The following LRRC4C variants were observed in gnomAD, a reference collection of about 807,000 sequenced individuals.
LRRC4C encodes the protein leucine rich repeat containing 4C, also known as leucine-rich repeat-containing protein 4C.
LRRC4C carries 5 observed loss-of-function variants against 33.6 expected under a neutral mutation model. The ratio of observed to expected loss-of-function variants is 0.15; its 90% CI spans 0.08 to 0.31. LRRC4C has a LOEUF of 0.31. LRRC4C is among the 10% of genes least tolerant of loss of function. The pLI, the probability that LRRC4C is intolerant of heterozygous loss-of-function variation, is 1.00. For synonymous variants in LRRC4C, 329 were observed against 302.0 expected (o/e 1.09, Z -0.93); for missense variants, 560 against 796.7 (o/e 0.70, Z 3.58).
At chr11:40,968,358 A>C (rs1851497478) in intron 1 of LRRC4C, among the ~76,000 whole-genome samples, 1 of 152,158 alleles carries the variant, frequency 6.6e-6, no homozygotes, top group South Asian at 2.1e-4. Flanking sequence ...ATGAAGCAGC[A>C]AGCGCTAATG....
chr11:41,101,083 C>A (rs1432505217), intron 1 of LRRC4C, among the ~76,000 whole-genome samples: 1 of 152,114 alleles, frequency 6.6e-6, no homozygotes, highest in Non-Finnish European at 1.5e-5. Context: ...TCATTCTAGA[C>A]AGAGGAACTG....
intron 1 of LRRC4C, among the ~76,000 whole-genome samples, chr11:41,097,049 A>ATTGCTTCT: frequency 6.6e-6 from 1 of 152,256 alleles, no homozygotes; most frequent in East Asian, 1.9e-4. Flanking sequence ...ACTGAAGCAT[A>ATTGCTTCT]TTGCTTCTTT....
At chr11:41,163,770 C>A (rs752204086) in intron 1 of LRRC4C, among the ~76,000 whole-genome samples, 91 of 152,014 alleles carry the variant, frequency 6.0e-4, no homozygotes, top group Non-Finnish European at 1.2e-3. Context: ...CACAAACACT[C>A]CAAGCAAATT....
At chr11:40,621,044 G>A (rs1334482242) in intron 3 of LRRC4C, among the ~76,000 whole-genome samples, 1 of 151,426 alleles carries the variant, frequency 6.6e-6, no homozygotes, top group Admixed American at 6.6e-5. Context: ...AGTAAACTGA[G>A]GTTATAATTC....
intron 1 of LRRC4C, among the ~76,000 whole-genome samples, chr11:41,175,676 T>C (rs1442515726): frequency 1.3e-5 from 2 of 152,178 alleles, no homozygotes; most frequent in Non-Finnish European, 2.9e-5. Flanking sequence ...AGCAGACTAT[T>C]TGTGAATGAC....
intron 3 of LRRC4C, among the ~76,000 whole-genome samples, chr11:40,642,826 T>C (rs1174736447): frequency 6.6e-6 from 1 of 152,234 alleles, no homozygotes; most frequent in Non-Finnish European, 1.5e-5. Context: ...TTTTTTCTTT[T>C]TGTAAATTCA....
chr11:41,326,915 A>C (rs1477946455), intron 1 of LRRC4C, among the ~76,000 whole-genome samples: 1 of 152,236 alleles, frequency 6.6e-6, no homozygotes, highest in East Asian at 1.9e-4. Flanking sequence ...AATCTCTTAT[A>C]TATCATGGCA....
At chr11:40,468,610 G>C (rs1288079379) in intron 3 of LRRC4C, among the ~76,000 whole-genome samples, 2 of 152,114 alleles carry the variant, frequency 1.3e-5, no homozygotes, top group African/African-American at 4.8e-5. Context: ...GTGTGAGTGT[G>C]TGAGTTTAAC....
intron 1 of LRRC4C, among the ~76,000 whole-genome samples, chr11:40,974,356 A>G (rs1471470435): frequency 3.3e-5 from 5 of 152,106 alleles, no homozygotes; most frequent in Non-Finnish European, 7.4e-5. Flanking sequence ...GGGTTATATT[A>G]TGTTTTACTG....
At chr11:40,230,532 T>C (rs1461522968) in intron 5 of LRRC4C, among the ~76,000 whole-genome samples, 1 of 152,192 alleles carries the variant, frequency 6.6e-6, no homozygotes, top group African/African-American at 2.4e-5. Flanking sequence ...TGGGGTGATT[T>C]TGTGGGTGAT....
chr11:40,182,162 T>C (rs1324392935), intron 5 of LRRC4C, among the ~76,000 whole-genome samples: 1 of 152,222 alleles, frequency 6.6e-6, no homozygotes, highest in African/African-American at 2.4e-5. Flanking sequence ...ACAATAATAA[T>C]TAAAGTTTAT....
At chr11:40,283,361 A>T (rs1213659456) in intron 4 of LRRC4C, among the ~76,000 whole-genome samples, 1 of 152,196 alleles carries the variant, frequency 6.6e-6, no homozygotes, top group Non-Finnish European at 1.5e-5. Context: ...TTTGATTTAA[A>T]TGTTCATCTA....
chr11:40,121,079 T>C lies in LRRC4C; in HGVS notation c.-42-4745A>G, dbSNP rs139423021. Among the ~76,000 whole-genome samples the C allele has an allele frequency of 6.5e-3, 991 of 152,308 alleles. 9 individuals carry two copies. Among genetic ancestry groups the C allele is most frequent in the Middle Eastern group, 0.024 (7 of 294 alleles). ...AGTGATGAGACACTCAGTTTCTTCC[T>C]ATTTTTTAAGACAGGAGCAGCAATA... On this transcript the variant is annotated intron_variant, in intron 6 of 6. Coordinates refer to ENST00000528697, the MANE Select transcript of LRRC4C (RefSeq NM_001258419.2).
intron 2 of LRRC4C, among the ~76,000 whole-genome samples, chr11:40,803,398 A>G (rs1040265925): frequency 2.0e-5 from 3 of 152,158 alleles, no homozygotes; most frequent in African/African-American, 7.2e-5. Flanking sequence ...ACAAAGAAAC[A>G]TGGCTTAGAT....
At chr11:40,272,431 T>G (rs1942775923) in intron 4 of LRRC4C, among the ~76,000 whole-genome samples, 1 of 152,046 alleles carries the variant, frequency 6.6e-6, no homozygotes. Flanking sequence ...CAGCTATGAG[T>G]TCTGGCATTG....
intron 2 of LRRC4C, among the ~76,000 whole-genome samples, chr11:40,702,301 A>T (rs1945900331): frequency 6.6e-6 from 1 of 152,112 alleles, no homozygotes; most frequent in Non-Finnish European, 1.5e-5. Context: ...CTTCCAGAAG[A>T]TCAATTAATT....
intron 1 of LRRC4C, among the ~76,000 whole-genome samples, chr11:41,190,648 G>A (rs1258445942): frequency 2.0e-5 from 3 of 152,122 alleles, no homozygotes. Flanking sequence ...ATGCTCGGCT[G>A]CGTACATTTG....
At chr11:41,004,873 C>G (rs1436011698) in intron 1 of LRRC4C, among the ~76,000 whole-genome samples, 1 of 152,084 alleles carries the variant, frequency 6.6e-6, no homozygotes, top group East Asian at 1.9e-4. Flanking sequence ...AATCACGTGG[C>G]ATTTTAACCA....
intron 3 of LRRC4C, among the ~76,000 whole-genome samples, chr11:40,382,519 C>A (rs944636945): frequency 2.0e-5 from 3 of 151,262 alleles, no homozygotes; most frequent in Non-Finnish European, 2.9e-5. Flanking sequence ...TTCCTCCAAC[C>A]CTCTTTATTT....
Sources: allele counts gnomAD v4.1 joint callset (sites outside exome capture counted in the v4.1 genomes callset), GRCh38; gene constraint gnomAD v4.1.1; transcripts MANE v1.5; gene names NCBI Gene and HGNC (gene_info 2026-07-23, HGNC 2026-07-21).